NKAIN3: variants seen among roughly 807,000 people sequenced by gnomAD.
NKAIN3 encodes sodium/potassium-transporting ATPase subunit beta-1-interacting protein 3.
NKAIN3 carries 25 observed loss-of-function variants against 30.2 expected under a neutral mutation model. The ratio of observed to expected loss-of-function variants is 0.83; its 90% CI spans 0.60 to 1.16. NKAIN3 has a LOEUF of 1.16. Ranked by LOEUF, NKAIN3 falls within the 50% of genes most tolerant of loss-of-function variation. The pLI is 0.00. For missense variants in NKAIN3, 225 were observed against 254.1 expected (o/e 0.89, Z 0.78); for synonymous variants, 91 against 89.6 (o/e 1.02, Z -0.09).
At chr8:62,538,782 G>A (rs1014533710) in intron 1 of NKAIN3, among the ~76,000 whole-genome samples, 6 of 152,082 alleles carry the variant, frequency 3.9e-5, no homozygotes, top group Admixed American at 2.0e-4. Flanking sequence ...TTTCCACAAC[G>A]AGTTTTTCCT....
intron 1 of NKAIN3, among the ~76,000 whole-genome samples, chr8:62,540,612 G>A (rs192885213): frequency 6.6e-6 from 1 of 152,188 alleles, no homozygotes; most frequent in Non-Finnish European, 1.5e-5. Context: ...ATGTTTCTCA[G>A]AACCCTCTGG....
chr8:62,445,309 G>A (rs1027362138), intron 1 of NKAIN3, among the ~76,000 whole-genome samples: 5 of 149,778 alleles, frequency 3.3e-5, no homozygotes, highest in Admixed American at 1.3e-4. Context: ...GGCCATCTAC[G>A]TGTCTTTTTT....
chr8:62,883,457 G>GTTGTTTTTTTTTTTTTTT lies in NKAIN3; in HGVS notation c.472-34994_472-34993insGTTTTTTTTTTTTTTTTT. The stretch of plus-strand genomic sequence containing the variant: ...TTTATTATTTCCAGGAGTTTTATGG[G>GTTGTTTTTTTTTTTTTTT]TTTTTTTTTTTTTTTTCAGATTTTC... On this transcript the variant is annotated intron_variant, in intron 4 of 6. Transcript: ENST00000623646. 2.2e-3 allele frequency among the ~76,000 whole-genome samples: 157 copies of GTTGTTTTTTTTTTTTTTT among 70,206 alleles called. 32 individuals carry two copies. Among genetic ancestry groups the GTTGTTTTTTTTTTTTTTT allele is most frequent in the South Asian group, 0.011 (17 of 1,614 alleles). 46.1% of individuals were successfully genotyped at this position (70,206 alleles called of 152,430 possible).
At chr8:62,357,648 A>G (rs1340760260) in intron 1 of NKAIN3, among the ~76,000 whole-genome samples, 1 of 152,140 alleles carries the variant, frequency 6.6e-6, no homozygotes, top group Non-Finnish European at 1.5e-5. Flanking sequence ...AGCCCATAAA[A>G]TAAAGCCCAA....
chr8:62,298,524 C>T (rs990409535), intron 1 of NKAIN3, among the ~76,000 whole-genome samples: 2 of 152,054 alleles, frequency 1.3e-5, no homozygotes, highest in African/African-American at 4.8e-5. Context: ...ACTTCCCTCC[C>T]TGGCATGAGC....
intron 3 of NKAIN3, among the ~76,000 whole-genome samples, chr8:62,696,935 T>A (rs921557981): frequency 6.6e-6 from 1 of 152,216 alleles, no homozygotes; most frequent in Non-Finnish European, 1.5e-5. Context: ...CTCTTTGATA[T>A]GCTCTGTTAC....
chr8:62,667,363 A>ATATATATAAAAATATATATATG (rs1554561922), intron 3 of NKAIN3, among the ~76,000 whole-genome samples: 4 of 53,402 alleles, frequency 7.5e-5, no homozygotes, highest in African/African-American at 4.3e-4. Context: ...ATATATCTGT[A>ATATATATAAAAATATATATATG]TATATATATA....
At position 62,856,309 on chromosome 8, in the gene NKAIN3, T is replaced by A. The variant is rs368111376; in HGVS notation, c.472-62144T>A. On this transcript the variant is annotated intron_variant, in intron 4 of 6. Transcript: ENST00000623646. ...GATTATAAATGCCCAGAGATCACTATATCTTTGATGAGCTTCAGCTTTAAC... is the reference window on the plus strand; with the variant it reads ...GATTATAAATGCCCAGAGATCACTAAATCTTTGATGAGCTTCAGCTTTAAC... 45 of 921,820 alleles carry A rather than the reference T, an allele frequency of 4.9e-5. 1 individual carries two copies. Among genetic ancestry groups the A allele is most frequent in the East Asian group, 3.6e-4 (15 of 41,672 alleles). 57.1% of individuals were successfully genotyped at this position (921,820 alleles called of 1,614,324 possible).
chr8:62,489,458 C>T (rs1256995420), intron 1 of NKAIN3, among the ~76,000 whole-genome samples: 2 of 152,200 alleles, frequency 1.3e-5, no homozygotes, highest in East Asian at 1.9e-4. Flanking sequence ...AGGAACATGT[C>T]TCAGAATGAA....
chr8:62,771,212 G>C (rs1816996275), intron 4 of NKAIN3, among the ~76,000 whole-genome samples: 1 of 152,108 alleles, frequency 6.6e-6, no homozygotes, highest in Admixed American at 6.6e-5. Flanking sequence ...AGGATCGCTT[G>C]AGCCCGGGAG....
chr8:62,489,797 G>C (rs16929038), intron 1 of NKAIN3, among the ~76,000 whole-genome samples: 11,160 of 152,156 alleles, frequency 0.073, 514 homozygotes, highest in African/African-American at 0.13. Context: ...ATCCCTTTAT[G>C]AATATTATCC....
intron 4 of NKAIN3, among the ~76,000 whole-genome samples, chr8:62,807,124 G>A (rs1425168214): frequency 6.6e-6 from 1 of 152,152 alleles, no homozygotes; most frequent in Non-Finnish European, 1.5e-5. Context: ...GTGCACATAT[G>A]CATTTGTGAA....
At chr8:62,924,365 C>A (rs1286232364) in intron 5 of NKAIN3, among the ~76,000 whole-genome samples, 1 of 152,194 alleles carries the variant, frequency 6.6e-6, no homozygotes, top group Admixed American at 6.5e-5. Context: ...CAACATTTAA[C>A]ACAACTGTAA....
At chr8:62,418,773 C>T (rs1463163658) in intron 1 of NKAIN3, among the ~76,000 whole-genome samples, 12 of 152,256 alleles carry the variant, frequency 7.9e-5, no homozygotes, top group African/African-American at 2.9e-4. Context: ...GTCTCTGCCC[C>T]CATTGTTAAG....
At chr8:62,292,144 A>G (rs1813662495) in intron 1 of NKAIN3, among the ~76,000 whole-genome samples, 1 of 151,914 alleles carries the variant, frequency 6.6e-6, no homozygotes, top group Admixed American at 6.6e-5. Flanking sequence ...TGCATGTGAG[A>G]TGGGTCTCCT....
At chr8:62,356,466 T>A (rs1816360478) in intron 1 of NKAIN3, among the ~76,000 whole-genome samples, 1 of 152,240 alleles carries the variant, frequency 6.6e-6, no homozygotes, top group Non-Finnish European at 1.5e-5. Flanking sequence ...ATCTTGATTG[T>A]TGGCACCCAT....
At chr8:62,575,265 T>C (rs1296369200) in intron 1 of NKAIN3, among the ~76,000 whole-genome samples, 3 of 152,068 alleles carry the variant, frequency 2.0e-5, no homozygotes, top group African/African-American at 7.2e-5. Flanking sequence ...ACAAATTTAG[T>C]AAAGTTGCAG....
At chr8:62,311,477 C>A (rs1814428173) in intron 1 of NKAIN3, among the ~76,000 whole-genome samples, 1 of 150,628 alleles carries the variant, frequency 6.6e-6, no homozygotes, top group Admixed American at 6.6e-5. Context: ...AGCAATAGAT[C>A]TTAATATATC....
chr8:62,799,596 G>T (rs943461686), intron 4 of NKAIN3, among the ~76,000 whole-genome samples: 4 of 152,146 alleles, frequency 2.6e-5, no homozygotes, highest in Admixed American at 2.0e-4. Flanking sequence ...CACTGTTGGT[G>T]GGAATGTAAA....
Sources: allele counts gnomAD v4.1 joint callset (sites outside exome capture counted in the v4.1 genomes callset), GRCh38; gene constraint gnomAD v4.1.1; transcripts MANE v1.5; gene names NCBI Gene and HGNC (gene_info 2026-07-23, HGNC 2026-07-21).